The following PDSS2 variants were observed in gnomAD, a reference collection of about 807,000 sequenced individuals.
The protein encoded by PDSS2 is decaprenyl diphosphate synthase subunit 2.
PDSS2 carries 31 observed loss-of-function variants against 44.5 expected under a neutral mutation model. The observed-to-expected ratio is 0.70, with a 90% CI of 0.52 to 0.94. PDSS2 has a LOEUF of 0.94. Ranked by LOEUF, PDSS2 falls within the 40% of genes least tolerant of loss-of-function variation. The pLI, the probability that PDSS2 is intolerant of heterozygous loss-of-function variation, is 0.00. For synonymous variants in PDSS2, 157 were observed against 180.3 expected (o/e 0.87, Z 1.03); for missense variants, 452 against 482.2 (o/e 0.94, Z 0.59).
At chr6:107,298,002 C>T (rs1346988676) in intron 2 of PDSS2, among the ~76,000 whole-genome samples, 3 of 152,184 alleles carry the variant, frequency 2.0e-5, no homozygotes, top group Admixed American at 2.0e-4. Context: ...GCCTTGGCCT[C>T]CCAAAGTCCT....
chr6:107,435,508 T>C (rs1265566441), intron 1 of PDSS2, among the ~76,000 whole-genome samples: 13 of 152,082 alleles, frequency 8.5e-5, no homozygotes, highest in African/African-American at 3.1e-4. Flanking sequence ...ACTAGAGTAG[T>C]AGTCCTGTGA....
At chr6:107,231,053 A>T (rs1029203130) in intron 4 of PDSS2, among the ~76,000 whole-genome samples, 2 of 152,012 alleles carry the variant, frequency 1.3e-5, no homozygotes, top group South Asian at 2.1e-4. Context: ...TATTTAAATT[A>T]AAAAAAATTT....
intron 1 of PDSS2, among the ~76,000 whole-genome samples, chr6:107,388,072 C>A (rs1779664514): frequency 6.6e-6 from 1 of 152,072 alleles, no homozygotes; most frequent in African/African-American, 2.4e-5. Context: ...ATGGGGAAAA[C>A]CCTACCAATC....
intron 1 of PDSS2, among the ~76,000 whole-genome samples, chr6:107,342,287 A>G (rs1343646198): frequency 2.0e-5 from 3 of 152,000 alleles, no homozygotes; most frequent in Non-Finnish European, 4.4e-5. Context: ...ACCTACTACT[A>G]TTCTCAACTT....
At chr6:107,235,116 T>G (rs1029650901) in intron 4 of PDSS2, among the ~76,000 whole-genome samples, 2 of 152,190 alleles carry the variant, frequency 1.3e-5, no homozygotes, top group Non-Finnish European at 2.9e-5. Flanking sequence ...AATGCCAGGA[T>G]GCAGAGGAAA....
At chr6:107,270,067 CA>C (rs765399586) in intron 3 of PDSS2, among the ~76,000 whole-genome samples, 11 of 152,060 alleles carry the variant, frequency 7.2e-5, no homozygotes, top group Non-Finnish European at 1.5e-4. Context: ...CAACGACAGA[CA>C]ACAAAGAGAA....
chr6:107,395,044 T>C (rs992667197), intron 1 of PDSS2, among the ~76,000 whole-genome samples: 1 of 152,182 alleles, frequency 6.6e-6, no homozygotes, highest in African/African-American at 2.4e-5. Context: ...CCTCTATTTA[T>C]GATATTTTCA....
At chr6:107,456,762 C>T (rs1400013294) in intron 1 of PDSS2, among the ~76,000 whole-genome samples, 1 of 152,098 alleles carries the variant, frequency 6.6e-6, no homozygotes, top group African/African-American at 2.4e-5. Flanking sequence ...AGGCTGGTCT[C>T]GAACTCCTGG....
At chr6:107,238,957 T>C (rs1458559820) in intron 4 of PDSS2, among the ~76,000 whole-genome samples, 2 of 152,112 alleles carry the variant, frequency 1.3e-5, no homozygotes, top group Non-Finnish European at 2.9e-5. Flanking sequence ...TAAGATGTTA[T>C]CACAATATTG....
At chr6:107,197,480 C>CAAAAAAAAAA (rs1211356401) in intron 6 of PDSS2, among the ~76,000 whole-genome samples, 1 of 82,428 alleles carries the variant, frequency 1.2e-5, no homozygotes, top group Non-Finnish European at 2.4e-5. Context: ...ACCCCCATCT[C>CAAAAAAAAAA]AAAAAAAAAA....
At chr6:107,203,425 T>C (rs1772858093) in intron 6 of PDSS2, among the ~76,000 whole-genome samples, 1 of 152,128 alleles carries the variant, frequency 6.6e-6, no homozygotes, top group South Asian at 2.1e-4. Context: ...CTGATTGGGC[T>C]TTTCTCTTGT....
In PDSS2 at chr6:107,214,261, G is replaced by A. The variant is rs542785058; in HGVS notation, c.703-1979C>T. Among the ~76,000 whole-genome samples, 163 of 152,016 alleles carry A rather than the reference G, an allele frequency of 1.1e-3. 1 individual carries two copies. Among genetic ancestry groups the A allele is most frequent in the African/African-American group, 3.7e-3 (152 of 41,472 alleles). On this transcript the variant is annotated intron_variant, in intron 4 of 7. Transcript: ENST00000369037. ...CTGGACTACAGGCGCCCGCCACCAC[G>A]CCCAGCTAATTTTTTGTATTTTTAG...
intron 3 of PDSS2, among the ~76,000 whole-genome samples, chr6:107,260,040 C>A (rs1484886699): frequency 6.6e-6 from 1 of 152,146 alleles, no homozygotes; most frequent in Non-Finnish European, 1.5e-5. Context: ...GGAATGACAA[C>A]AAACAATTTA....
chr6:107,203,828 A>C (rs1167554346), intron 6 of PDSS2, among the ~76,000 whole-genome samples: 2 of 152,026 alleles, frequency 1.3e-5, no homozygotes, highest in Non-Finnish European at 2.9e-5. Flanking sequence ...GCCTCTCCCC[A>C]ACCCTGGGCA....
At chr6:107,364,871 T>G (rs1387622879) in intron 1 of PDSS2, among the ~76,000 whole-genome samples, 1 of 152,168 alleles carries the variant, frequency 6.6e-6, no homozygotes, top group East Asian at 1.9e-4. Context: ...ACAATACAAT[T>G]AATGGTTTAT....
chr6:107,181,789 C>T (rs1380804088), intron 7 of PDSS2, among the ~76,000 whole-genome samples: 1 of 150,514 alleles, frequency 6.6e-6, no homozygotes, highest in African/African-American at 2.5e-5. Context: ...ACTCAGGAGG[C>T]TGAGGCAGGA....
At chr6:107,426,213 C>T (rs1315019147) in intron 1 of PDSS2, among the ~76,000 whole-genome samples, 1 of 152,178 alleles carries the variant, frequency 6.6e-6, no homozygotes, top group East Asian at 1.9e-4. Context: ...ATCCCAGCTG[C>T]TCCAGCCATG....
At chr6:107,208,346 G>GAGTGC (rs1214999502) in intron 6 of PDSS2, among the ~76,000 whole-genome samples, 4 of 135,602 alleles carry the variant, frequency 2.9e-5, no homozygotes, top group Non-Finnish European at 4.6e-5. Context: ...GCTCAGACTG[G>GAGTGC]AGTGCAGTGG....
intron 6 of PDSS2, among the ~76,000 whole-genome samples, chr6:107,201,118 G>A (rs1194738069): frequency 6.6e-6 from 1 of 152,032 alleles, no homozygotes; most frequent in Non-Finnish European, 1.5e-5. Flanking sequence ...ACCATACACA[G>A]CAATTCCCTG....
Sources: gnomAD v4.1 joint callset for allele counts (sites outside exome capture counted in the v4.1 genomes callset) on GRCh38, gnomAD v4.1.1 for gene constraint, MANE v1.5 for transcripts, NCBI Gene and HGNC (gene_info 2026-07-23, HGNC 2026-07-21) for gene names.